The following MYH11 variants were observed in gnomAD, a reference collection of about 807,000 sequenced individuals.
MYH11 encodes myosin-11.
Under a neutral mutation model 246.6 loss-of-function variants are expected in MYH11, and 80 were observed. The observed-to-expected ratio is 0.32, with a 90% confidence interval of 0.27 to 0.39. The LOEUF (loss-of-function observed/expected upper bound fraction) is 0.39. Among genes scored for constraint, MYH11 ranks in the 10% least tolerant of loss-of-function variants. The pLI is 1.00. For missense variants in MYH11, 2,158 were observed against 2,546.8 expected (o/e 0.85, Z 3.29); for synonymous variants, 1,071 against 1,015.5 (o/e 1.05, Z -1.04).
intron 40 of MYH11, chr16:15,712,743 G>A (rs541106620): frequency 1.3e-5 from 2 of 152,406 alleles, no homozygotes; most frequent in Admixed American, 1.3e-4. Context: ...GGAAGCAAGT[G>A]AATTAGGCCA....
chr16:15,799,311 A>G (rs74009434), intron 3 of MYH11, among the ~76,000 whole-genome samples: 5,727 of 152,196 alleles, frequency 0.038, 334 homozygotes, highest in African/African-American at 0.13. Context: ...CTCTGGCCTA[A>G]AACTCCAAGC....
At chr16:15,798,106 T>A (rs2042786685) in intron 4 of MYH11, among the ~76,000 whole-genome samples, 1 of 152,184 alleles carries the variant, frequency 6.6e-6, no homozygotes, top group African/African-American at 2.4e-5. Context: ...CAACAATATA[T>A]ATTAATATAT....
chr16:15,769,880 C>T (rs749843322), intron 9 of MYH11, among the ~76,000 whole-genome samples: 8 of 151,888 alleles, frequency 5.3e-5, no homozygotes, highest in Admixed American at 1.3e-4. Context: ...AGGCTGGTCT[C>T]GAACTCCTGG....
chr16:15,783,659 A>T (rs1452990963), intron 5 of MYH11: 1 of 152,176 alleles, frequency 6.6e-6, no homozygotes, highest in African/African-American at 2.4e-5. Context: ...CGACTAAAGG[A>T]ATCACTTTTG....
intron 27 of MYH11, among the ~76,000 whole-genome samples, chr16:15,728,711 C>A (rs1364787594): frequency 1.3e-5 from 2 of 151,952 alleles, no homozygotes; most frequent in Non-Finnish European, 1.5e-5. Context: ...ACCAGCCTGG[C>A]CAACATGGTG....
intron 40 of MYH11, chr16:15,708,715 A>C (rs2039603588): frequency 6.5e-6 from 9 of 1,390,140 alleles, no homozygotes; most frequent in Middle Eastern, 1.8e-4. Context: ...GCAAGGGTTT[A>C]AAAATTGGGG....
chr16:15,751,937 T>C (rs961964419), intron 15 of MYH11, among the ~76,000 whole-genome samples: 1 of 152,016 alleles, frequency 6.6e-6, no homozygotes, highest in African/African-American at 2.4e-5. Flanking sequence ...TAGCTGGGAT[T>C]ACCACCACCA....
chr16:15,802,843 G>A (rs563393324), intron 3 of MYH11, among the ~76,000 whole-genome samples: 1 of 152,110 alleles, frequency 6.6e-6, no homozygotes, highest in Admixed American at 6.5e-5. Context: ...CTAAATCAAT[G>A]GTGTCCCTAT....
chr16:15,801,476 CA>C lies in MYH11; in HGVS notation c.503-2790del, dbSNP rs148915280. Reference sequence around the variant, plus strand: ...TTCCAGACCAGCCTGGACAACATAGCAAGACCCAGTCTCTACAAAAAAAAAT... The same window carrying C: ...TTCCAGACCAGCCTGGACAACATAGCAGACCCAGTCTCTACAAAAAAAAAT... On this transcript the variant is annotated intron_variant, in intron 3 of 40. Transcript: ENST00000300036. Among the ~76,000 whole-genome samples the C allele has an allele frequency of 2.2e-3, 327 of 150,606 alleles. 1 individual carries two copies. The highest frequency in any genetic ancestry group is 0.014 in the Middle Eastern group (4 of 282).
intron 11 of MYH11, among the ~76,000 whole-genome samples, chr16:15,760,085 A>G (rs1369773265): frequency 2.0e-5 from 3 of 151,182 alleles, no homozygotes; most frequent in African/African-American, 7.3e-5. Flanking sequence ...CAACAGAGCA[A>G]GGCTCTGGCT....
At chr16:15,735,628 T>C (rs745537405) in intron 25 of MYH11, 50 bp from the exon 26 acceptor site, 9 of 1,605,256 alleles carry the variant, frequency 5.6e-6, no homozygotes, top group Admixed American at 3.3e-5. Flanking sequence ...CTTGGTTTCC[T>C]CTCTTACAAT....
In MYH11 at chr16:15,843,550, G is replaced by A. The variant is rs531823388; in HGVS notation, c.-17-5281C>T. 4.4e-4 allele frequency among the ~76,000 whole-genome samples: 66 copies of A among 151,544 alleles called. 1 individual carries two copies. The East Asian group carries it at 0.012, about 27-fold the overall frequency. ...CTAAAAAAAAAAAAAAAAATTAGCC[G>A]GGCGTGGTGGCGGCCGCGTGTAGTC... On this transcript the variant is annotated intron_variant, in intron 1 of 40. Coordinates refer to ENST00000300036, the MANE Select transcript of MYH11 (RefSeq NM_002474.3).
chr16:15,846,573 G>T (rs1003072420), intron 1 of MYH11, among the ~76,000 whole-genome samples: 11 of 152,152 alleles, frequency 7.2e-5, no homozygotes, highest in Non-Finnish European at 1.2e-4. Context: ...GTTGGGCCAG[G>T]TGACATGGCT....
chr16:15,814,911 G>A (rs1275196836), intron 3 of MYH11, among the ~76,000 whole-genome samples: 1 of 148,222 alleles, frequency 6.7e-6, no homozygotes. Context: ...AAAGAAGGAA[G>A]GTATAATGTA....
intron 6 of MYH11, chr16:15,779,051 G>C (rs530494778): frequency 4.6e-6 from 3 of 658,650 alleles, no homozygotes; most frequent in Non-Finnish European, 8.3e-6. Context: ...GCAACAGAAC[G>C]TGTAAAACAT....
At chr16:15,749,849 C>G (rs2041517184) in intron 16 of MYH11, 1 of 546,600 alleles carries the variant, frequency 1.8e-6, no homozygotes, top group East Asian at 3.0e-5. Flanking sequence ...ACACTGCTCC[C>G]CAGCACCCAG....
chr16:15,754,896 G>C (rs2041670843), intron 14 of MYH11, among the ~76,000 whole-genome samples: 1 of 152,088 alleles, frequency 6.6e-6, no homozygotes, highest in Non-Finnish European at 1.5e-5. Context: ...ATGTTGGCCA[G>C]GCTGGTCTCA....
At position 15,707,463 on chromosome 16, in the gene MYH11, T is replaced by C. The variant is rs547495856; in HGVS notation, c.5787-3340A>G. On this transcript the variant is annotated intron_variant, in intron 40 of 40. Coordinates refer to ENST00000300036, the MANE Select transcript of MYH11 (RefSeq NM_002474.3). ...TTCTGCACTTCAGCCCACCCTGGAA[T>C]TTGGCTTATCCTATGATCCCAATCA... Among the ~76,000 whole-genome samples, 225 of 152,288 alleles carry C rather than the reference T, an allele frequency of 1.5e-3. 1 individual carries two copies. Among genetic ancestry groups the C allele is most frequent in the African/African-American group, 5.1e-3 (212 of 41,564 alleles).
chr16:15,794,783 G>A (rs1269701661), intron 4 of MYH11, among the ~76,000 whole-genome samples: 1 of 152,168 alleles, frequency 6.6e-6, no homozygotes, highest in Non-Finnish European at 1.5e-5. Context: ...CAAACAGTAT[G>A]GACAGAGGTC....
Sources: gnomAD v4.1 joint callset for allele counts (sites outside exome capture counted in the v4.1 genomes callset) on GRCh38, gnomAD v4.1.1 for gene constraint, MANE v1.5 for transcripts, NCBI Gene and HGNC (gene_info 2026-07-23, HGNC 2026-07-21) for gene names.